The following DHCR24 variants were observed in gnomAD, a reference collection of about 807,000 sequenced individuals.
DHCR24 encodes delta(24)-sterol reductase.
In DHCR24, 28 loss-of-function variants were observed where a neutral mutation model predicts 61.2. That is an observed-to-expected ratio of 0.46 (90% CI 0.34 to 0.63). DHCR24 has a LOEUF of 0.63. DHCR24 is among the 20% of genes least tolerant of loss of function. The probability of loss-of-function intolerance (pLI) is 0.01; values close to 1 mark genes in which losing one functional copy is unlikely to be tolerated. For missense variants in DHCR24, 538 were observed against 679.1 expected (o/e 0.79, Z 2.31); for synonymous variants, 261 against 275.9 (o/e 0.95, Z 0.54).
intron 6 of DHCR24, among the ~76,000 whole-genome samples, chr1:54,863,556 G>A (rs1000722835): frequency 6.6e-6 from 1 of 152,156 alleles, no homozygotes; most frequent in African/African-American, 2.4e-5. Flanking sequence ...CAAAAGAATG[G>A]AGCCTGGACT....
intron 4 of DHCR24, among the ~76,000 whole-genome samples, chr1:54,873,037 C>A (rs1256436824): frequency 6.6e-6 from 1 of 152,196 alleles, no homozygotes; most frequent in Non-Finnish European, 1.5e-5. Context: ...CCTATCCCAC[C>A]CCTTAGGTAA....
chr1:54,855,950 C>G (rs1054592521), intron 6 of DHCR24, among the ~76,000 whole-genome samples: 11 of 152,168 alleles, frequency 7.2e-5, no homozygotes, highest in Non-Finnish European at 1.2e-4. Flanking sequence ...TCTCCTCCCC[C>G]TCCCTAATGG....
Position 54,852,394 on chromosome 1 carries a change from G to A in DHCR24, c.1398-8C>T. 6.2e-7 allele frequency: 1 copy of A among 1,613,860 alleles called. No individual in the cohort carries two copies. The highest frequency in any genetic ancestry group is 8.5e-7 in the Non-Finnish European group (1 of 1,180,028). ...GCATACAGCATCTGGAAGCTGCAGA[G>A]GCAGAGAAGTGGGTGAGGACGCCAG... On this transcript the variant is annotated splice_region_variant and splice_polypyrimidine_tract_variant and intron_variant, in intron 8 of 8. Coordinates refer to ENST00000371269, the MANE Select transcript of DHCR24 (RefSeq NM_014762.4).
chr1:54,875,154 TG>T lies in DHCR24; in HGVS notation c.550del (p.Gln184AsnfsTer97). On this transcript the variant is annotated frameshift_variant, in exon 4 of 9. Transcript: ENST00000371269. LOFTEE classifies it high-confidence loss of function. ...CAGCTCGTAAGCAGTGCAGATGTGT[TG>T]GAACAGGCCGTACTTGTGGGATGAT... is the stretch of plus-strand genomic sequence containing the variant. ...ESSSHKYGLF[Q>X]HICTAYELVL... 1 of 1,614,160 alleles carries T rather than the reference TG, an allele frequency of 6.2e-7. No homozygotes were observed. The highest frequency in any genetic ancestry group is 8.5e-7 in the Non-Finnish European group (1 of 1,180,028).
chr1:54,885,473 G>A (rs1412340707), intron 1 of DHCR24, among the ~76,000 whole-genome samples: 3 of 152,214 alleles, frequency 2.0e-5, no homozygotes, highest in Non-Finnish European at 2.9e-5. Flanking sequence ...TCAGAGTTCA[G>A]GCTCTGAAAT....
chr1:54,871,140 G>A (rs1374097153), intron 5 of DHCR24, among the ~76,000 whole-genome samples: 2 of 152,222 alleles, frequency 1.3e-5, no homozygotes, highest in Non-Finnish European at 2.9e-5. Context: ...GCACATCCCA[G>A]GCAGGTGGTA....
chr1:54,874,139 T>G lies in DHCR24; in HGVS notation c.612+954A>C, dbSNP rs187969775. ...AAAAGTTTATAAAGTAAAAATGTTATAGTAAGCTAACAGTATTTATTATTG... is the reference window on the plus strand; with the variant it reads ...AAAAGTTTATAAAGTAAAAATGTTAGAGTAAGCTAACAGTATTTATTATTG... On this transcript the variant is annotated intron_variant, in intron 4 of 8. Transcript: ENST00000371269. 1.7e-3 allele frequency among the ~76,000 whole-genome samples: 263 copies of G among 152,354 alleles called. No individual in the cohort carries two copies. The South Asian group carries it at 0.024, about 14-fold the overall frequency.
intron 4 of DHCR24, among the ~76,000 whole-genome samples, chr1:54,873,680 T>G (rs639731): frequency 6.6e-6 from 1 of 152,162 alleles, no homozygotes; most frequent in Non-Finnish European, 1.5e-5. Flanking sequence ...GACAGGGTCT[T>G]GCTCTGTCAC....
intron 6 of DHCR24, among the ~76,000 whole-genome samples, chr1:54,858,180 C>A (rs1416370126): frequency 6.6e-6 from 1 of 152,258 alleles, no homozygotes; most frequent in African/African-American, 2.4e-5. Flanking sequence ...CCCAGCTGCA[C>A]AGGGTGCTGA....
intron 6 of DHCR24, among the ~76,000 whole-genome samples, chr1:54,854,922 A>G (rs544430512): frequency 5.3e-5 from 8 of 152,208 alleles, no homozygotes; most frequent in Middle Eastern, 3.4e-3. Flanking sequence ...CTGCCTCCTG[A>G]CGATGGCCCC....
At position 54,854,209 on chromosome 1, in the gene DHCR24, G is replaced by C. The variant is rs747794730; in HGVS notation, c.1046C>G (p.Pro349Arg). The change falls in exon 7 of 9, where the codon CCC becomes CGC. Residue 349 changes from proline (P) to arginine (R), a missense_variant. Transcript: ENST00000371269. Reference protein sequence around the residue: ...LQDIIPFGNNPIFRYLFGWMV... With the variant: ...LQDIIPFGNNRIFRYLFGWMV... ...CCAGCCAAAGAGGTAGCGGAAGATGGGGTTGTTGCCAAAGGGGATAATGTC... is the reference window on the plus strand; with the variant it reads ...CCAGCCAAAGAGGTAGCGGAAGATGCGGTTGTTGCCAAAGGGGATAATGTC... 3 of 1,613,964 alleles carry C rather than the reference G, an allele frequency of 1.9e-6. No homozygotes were observed. Among genetic ancestry groups the C allele is most frequent in the Non-Finnish European group, 1.7e-6 (2 of 1,179,960 alleles).
intron 5 of DHCR24, among the ~76,000 whole-genome samples, chr1:54,870,227 A>C: frequency 6.6e-6 from 1 of 152,052 alleles, no homozygotes; most frequent in Non-Finnish European, 1.5e-5. Context: ...CAAAAAAAAA[A>C]ACAATAAGAA....
intron 4 of DHCR24, among the ~76,000 whole-genome samples, chr1:54,872,140 A>G (rs1463221380): frequency 6.6e-6 from 1 of 150,420 alleles, no homozygotes; most frequent in Non-Finnish European, 1.5e-5. Context: ...TATGACAAGT[A>G]AAGAAACTGA....
intron 5 of DHCR24, among the ~76,000 whole-genome samples, chr1:54,866,777 G>GCTGGTAAGGCCACCCTA (rs1646970543): frequency 2.0e-5 from 3 of 152,214 alleles, no homozygotes; most frequent in African/African-American, 7.2e-5. Flanking sequence ...AGGCCACCCT[G>GCTGGTAAGGCCACCCTA]CTGGTGAGGC....
chr1:54,885,894 G>A (rs1011617389), intron 1 of DHCR24, among the ~76,000 whole-genome samples: 2 of 152,182 alleles, frequency 1.3e-5, no homozygotes, highest in Non-Finnish European at 2.9e-5. Context: ...CTGGAGCCAT[G>A]ACTGTGACCA....
At chr1:54,879,520 A>C (rs1017995464) in intron 2 of DHCR24, among the ~76,000 whole-genome samples, 3 of 152,182 alleles carry the variant, frequency 2.0e-5, no homozygotes, top group Non-Finnish European at 4.4e-5. Context: ...CTTTTAAATG[A>C]ACAGTGCCTC....
chr1:54,881,633 A>G (rs1647064393), intron 2 of DHCR24, among the ~76,000 whole-genome samples: 1 of 152,346 alleles, frequency 6.6e-6, no homozygotes, highest in South Asian at 2.1e-4. Context: ...CAATCTCATT[A>G]CTGGGTATAT....
At chr1:54,876,160 T>C in intron 2 of DHCR24, 113 bp from the exon 3 acceptor site, 1 of 785,780 alleles carries the variant, frequency 1.3e-6, no homozygotes, top group Non-Finnish European at 2.2e-6. Flanking sequence ...ACTGCAGGGA[T>C]TCCTATATAG....
At chr1:54,853,675 G>A (rs1646890841) in intron 7 of DHCR24, 63 bp from the exon 8 acceptor site, 2 of 1,539,608 alleles carry the variant, frequency 1.3e-6, no homozygotes, top group Non-Finnish European at 1.8e-6. Flanking sequence ...GCTCATGGCT[G>A]GCCCGCTCAT....
Sources: gnomAD v4.1 joint callset for allele counts (sites outside exome capture counted in the v4.1 genomes callset) on GRCh38, gnomAD v4.1.1 for gene constraint, MANE v1.5 for transcripts, NCBI Gene and HGNC (gene_info 2026-07-23, HGNC 2026-07-21) for gene names.